The following GNAQ variants were observed in gnomAD, a reference collection of about 807,000 sequenced individuals.
The protein encoded by GNAQ is G protein subunit alpha q, also known as guanine nucleotide-binding protein G(q) subunit alpha.
Under a neutral mutation model 43.9 loss-of-function variants are expected in GNAQ, and 8 were observed. That is an observed-to-expected ratio of 0.18 (90% CI 0.11 to 0.33). The LOEUF is 0.33. GNAQ is among the 10% of genes least tolerant of loss of function. GNAQ has a pLI of 1.00. For missense variants in GNAQ, 158 were observed against 450.8 expected (o/e 0.35, Z 5.88); for synonymous variants, 155 against 170.7 (o/e 0.91, Z 0.71).
chr9:77,821,376 AT>A (rs1020637000), intron 2 of GNAQ, among the ~76,000 whole-genome samples: 1 of 151,186 alleles, frequency 6.6e-6, no homozygotes, highest in Non-Finnish European at 1.5e-5. Context: ...TTTAAAATAT[AT>A]TTTTTTTTCT....
rs758249489 is a variant in GNAQ at position 77,721,286 on chromosome 9, A to G, written c.*37T>C. 3 of 1,366,640 alleles carry G rather than the reference A, an allele frequency of 2.2e-6. No homozygotes were observed. The Admixed American group carries it at 6.0e-5, about 27-fold the overall frequency. The allele number at this position is 1,366,640 out of a possible 1,614,324, so 84.7% of individuals were successfully genotyped here. On this transcript the variant is annotated 3_prime_UTR_variant, in exon 7 of 7. Coordinates refer to ENST00000286548, the MANE Select transcript of GNAQ (RefSeq NM_002072.5). ...CCCTCTTGTGTATCTTCAATAGCCC[A>G]CCAGGGAAGGGCAGGGCGGGTGTCT...
Position 77,826,743 on chromosome 9 carries a change from C to T in GNAQ, c.322-10973G>A, listed in dbSNP as rs549130482. ...GGTAATGATAACTATGTCACAGCACCGTTATAAAGTTTAAATGTAATAATA... is the reference window on the plus strand; with the variant it reads ...GGTAATGATAACTATGTCACAGCACTGTTATAAAGTTTAAATGTAATAATA... On this transcript the variant is annotated intron_variant, in intron 2 of 6. Coordinates refer to ENST00000286548, the MANE Select transcript of GNAQ (RefSeq NM_002072.5). 1.1e-4 allele frequency among the ~76,000 whole-genome samples: 16 copies of T among 152,202 alleles called. No individual in the cohort carries two copies. In the East Asian group the frequency reaches 1.9e-3, roughly 18 times the overall value.
chr9:77,797,341 A>T (rs927751993), intron 4 of GNAQ, among the ~76,000 whole-genome samples, 179 bp downstream of exon 4: 5 of 152,136 alleles, frequency 3.3e-5, no homozygotes, highest in Non-Finnish European at 5.9e-5. Context: ...CCTCCAGTAC[A>T]TCTTTCTGTT....
intron 2 of GNAQ, among the ~76,000 whole-genome samples, chr9:77,833,958 AT>A (rs1827341704): frequency 6.6e-6 from 1 of 152,310 alleles, no homozygotes; most frequent in African/African-American, 2.4e-5. Context: ...TTAAAACCAC[AT>A]GGAAAATGGT....
chr9:77,759,468 G>A (rs1825954736), intron 5 of GNAQ, among the ~76,000 whole-genome samples: 1 of 152,034 alleles, frequency 6.6e-6, no homozygotes, highest in Non-Finnish European at 1.5e-5. Flanking sequence ...AGAATTCTGA[G>A]ATAATATGCT....
intron 2 of GNAQ, among the ~76,000 whole-genome samples, chr9:77,880,887 CT>C (rs1221973227): frequency 6.6e-6 from 1 of 152,128 alleles, no homozygotes; most frequent in Non-Finnish European, 1.5e-5. Context: ...GAAGACAGTG[CT>C]TTAGAGGACC....
chr9:77,749,643 T>C (rs1825781557), intron 5 of GNAQ, among the ~76,000 whole-genome samples: 1 of 152,216 alleles, frequency 6.6e-6, no homozygotes, highest in Non-Finnish European at 1.5e-5. Flanking sequence ...ATACACAAAT[T>C]GGTATTTCTC....
intron 1 of GNAQ, among the ~76,000 whole-genome samples, chr9:77,948,606 A>G (rs1443812613): frequency 6.6e-6 from 1 of 152,222 alleles, no homozygotes; most frequent in Non-Finnish European, 1.5e-5. Context: ...AAGTGGGCAG[A>G]GCACAGCAGA....
intron 2 of GNAQ, among the ~76,000 whole-genome samples, chr9:77,824,649 T>C (rs1445972357): frequency 1.3e-5 from 2 of 152,188 alleles, no homozygotes; most frequent in Non-Finnish European, 2.9e-5. Context: ...AATACATTAC[T>C]TTGAACAATG....
chr9:77,963,361 A>C (rs766512217), intron 1 of GNAQ, among the ~76,000 whole-genome samples: 15 of 152,244 alleles, frequency 9.9e-5, no homozygotes, highest in Non-Finnish European at 1.8e-4. Context: ...TTCAACTTAC[A>C]TAATTCTGAC....
At chr9:77,899,058 A>G (rs1035400219) in intron 2 of GNAQ, among the ~76,000 whole-genome samples, 3 of 152,130 alleles carry the variant, frequency 2.0e-5, no homozygotes, top group African/African-American at 7.2e-5. Context: ...TCACTATTAT[A>G]AACAATGCTG....
intron 1 of GNAQ, among the ~76,000 whole-genome samples, chr9:77,978,030 C>T (rs1564168602): frequency 6.6e-6 from 1 of 152,114 alleles, no homozygotes; most frequent in Admixed American, 6.5e-5. Context: ...GAAATTCTTC[C>T]TTTTTCTTAA....
chr9:77,962,719 G>A (rs571831175), intron 1 of GNAQ, among the ~76,000 whole-genome samples: 6 of 151,774 alleles, frequency 4.0e-5, no homozygotes, highest in South Asian at 2.1e-4. Flanking sequence ...GTGAAACCCC[G>A]TGTCTAATAA....
intron 5 of GNAQ, among the ~76,000 whole-genome samples, chr9:77,756,716 G>C (rs1421376384): frequency 6.6e-6 from 1 of 152,190 alleles, no homozygotes; most frequent in Admixed American, 6.5e-5. Flanking sequence ...TGTTATAGCA[G>C]CTGAGTTGTC....
At chr9:77,911,234 C>T (rs557982271) in intron 2 of GNAQ, among the ~76,000 whole-genome samples, 1 of 152,248 alleles carries the variant, frequency 6.6e-6, no homozygotes, top group African/African-American at 2.4e-5. Context: ...GCTGGGGGAA[C>T]ATTATGCAAA....
At chr9:77,871,278 T>C (rs960031469) in intron 2 of GNAQ, among the ~76,000 whole-genome samples, 2 of 152,180 alleles carry the variant, frequency 1.3e-5, no homozygotes, top group African/African-American at 4.8e-5. Flanking sequence ...CTCTGGATTC[T>C]CCAGAGGATA....
intron 1 of GNAQ, among the ~76,000 whole-genome samples, chr9:78,027,140 G>C (rs1823992810): frequency 6.6e-6 from 1 of 152,050 alleles, no homozygotes; most frequent in Non-Finnish European, 1.5e-5. Context: ...GTAATACACT[G>C]GTTCAATGTG....
chr9:77,749,245 ATACCTTG>A (rs546249444), intron 5 of GNAQ, among the ~76,000 whole-genome samples: 144 of 152,262 alleles, frequency 9.5e-4, no homozygotes, highest in African/African-American at 3.4e-3. Context: ...ACTCAAACCA[ATACCTTG>A]TGAGGAATGA....
chr9:77,900,158 TTCTCATACTTGTGGTATATG>T (rs1436714831), intron 2 of GNAQ, among the ~76,000 whole-genome samples: 2 of 152,162 alleles, frequency 1.3e-5, no homozygotes, highest in African/African-American at 4.8e-5. Flanking sequence ...TGCTGAGCTG[TTCTCATACTTGTGGTATATG>T]TCTCATACTT....
Sources: allele counts gnomAD v4.1 joint callset (sites outside exome capture counted in the v4.1 genomes callset), GRCh38; gene constraint gnomAD v4.1.1; transcripts MANE v1.5; gene names NCBI Gene and HGNC (gene_info 2026-07-23, HGNC 2026-07-21).